Variants in ZNF808 observed in about 807,000 individuals in gnomAD.
ZNF808 encodes zinc finger protein 808.
In ZNF808, 5 loss-of-function variants were observed where a neutral mutation model predicts 8.7. The observed-to-expected ratio is 0.58, with a 90% CI of 0.30 to 1.21. ZNF808 has a LOEUF of 1.21. Ranked by LOEUF, ZNF808 falls within the 50% of genes most tolerant of loss-of-function variation. The probability of loss-of-function intolerance (pLI) is 0.07; values close to 1 mark genes in which losing one functional copy is unlikely to be tolerated. For synonymous variants in ZNF808, 380 were observed against 366.0 expected (o/e 1.04, Z -0.44); for missense variants, 1,103 against 1,098.4 (o/e 1.00, Z -0.06).
At chr19:52,567,391 G>A (rs1433874031), downstream of ZNF808, among the ~76,000 whole-genome samples, 3 of 149,538 alleles carry the variant, frequency 2.0e-5, no homozygotes, top group Admixed American at 2.0e-4. Context: ...TTTTGAGGTC[G>A]CCCTACTGTG....
At position 52,547,511 on chromosome 19, in the gene ZNF808, G is replaced by C; in HGVS notation, c.64-1G>C. Reference sequence around the variant, plus strand: ...TTGTTGAAATGTATGTTTCATTTTAGGGACGCTTGACTTTCAGGGATGTGG... The same window carrying C: ...TTGTTGAAATGTATGTTTCATTTTACGGACGCTTGACTTTCAGGGATGTGG... On this transcript the variant is annotated splice_acceptor_variant, in intron 3 of 4. Transcript: ENST00000359798. LOFTEE classifies it high-confidence loss of function. 6.2e-7 allele frequency: 1 copy of C among 1,613,722 alleles called. No homozygotes were observed. The highest frequency in any genetic ancestry group is 8.5e-7 in the Non-Finnish European group (1 of 1,179,892).
In ZNF808 at chr19:52,554,038, G is replaced by C. The variant is rs750809627; in HGVS notation, c.1122G>C (p.Lys374Asn). ...LHTGVKPYKC[K>N]ICEKAFACHS... ...CTGGAGTGAAACCTTACAAATGTAA[G>C]ATTTGTGAGAAGGCTTTTGCGTGTC... The change falls in exon 5 of 5, where the codon AAG becomes AAC. Residue 374 changes from lysine (K) to asparagine (N), a missense_variant. Transcript: ENST00000359798. 4 of 1,613,918 alleles carry C rather than the reference G, an allele frequency of 2.5e-6. No individual in the cohort carries two copies. The highest frequency in any genetic ancestry group is 1.1e-5 in the South Asian group (1 of 91,074).
chr19:52,540,687 G>A (rs1179352185), intron 2 of ZNF808, among the ~76,000 whole-genome samples: 1 of 152,074 alleles, frequency 6.6e-6, no homozygotes, highest in Non-Finnish European at 1.5e-5. Context: ...TACAGATGTT[G>A]AAGGATGGGC....
chr19:52,554,057 G>A lies in ZNF808; in HGVS notation c.1141G>A (p.Ala381Thr). 6.2e-7 allele frequency: 1 copy of A among 1,614,036 alleles called. No individual in the cohort carries two copies. Among genetic ancestry groups the A allele is most frequent in the Non-Finnish European group, 8.5e-7 (1 of 1,179,992 alleles). The change falls in exon 5 of 5, where the codon GCG becomes ACG. Residue 381 changes from alanine (A) to threonine (T), a missense_variant. By Grantham distance (58) the Ala-to-Thr change is moderately conservative. Transcript: ENST00000359798. ...ATGTAAGATTTGTGAGAAGGCTTTTGCGTGTCATTCCTATCTGGCAAACCA... is the reference window on the plus strand; with the variant it reads ...ATGTAAGATTTGTGAGAAGGCTTTTACGTGTCATTCCTATCTGGCAAACCA... ...YKCKICEKAF[A>T]CHSYLANHTR...
chr19:52,543,182 T>C (rs1475575501), intron 2 of ZNF808, 84 bp from the exon 3 acceptor site: 13 of 1,422,032 alleles, frequency 9.1e-6, no homozygotes, highest in Non-Finnish European at 1.2e-5. Flanking sequence ...TTCTACAGGG[T>C]GACATCTCCC....
At chr19:52,559,425 ATTACC>A (rs1366824706), downstream of ZNF808, among the ~76,000 whole-genome samples, 7 of 151,968 alleles carry the variant, frequency 4.6e-5, no homozygotes, top group African/African-American at 1.7e-4. Flanking sequence ...TCTCTCCACT[ATTACC>A]TTATTGTCCT....
At chr19:52,545,981 G>T (rs2059716208) in intron 3 of ZNF808, among the ~76,000 whole-genome samples, 1 of 152,124 alleles carries the variant, frequency 6.6e-6, no homozygotes. Context: ...CAGACATCTG[G>T]ATTCAGTGCT....
chr19:52,543,962 C>T (rs2059697438), intron 3 of ZNF808, among the ~76,000 whole-genome samples: 1 of 151,816 alleles, frequency 6.6e-6, no homozygotes, highest in Admixed American at 6.6e-5. Flanking sequence ...ACTTAGAGAC[C>T]AGCCTGGCTA....
At chr19:52,548,116 C>A (rs2059741311) in intron 4 of ZNF808, among the ~76,000 whole-genome samples, 1 of 152,150 alleles carries the variant, frequency 6.6e-6, no homozygotes, top group Non-Finnish European at 1.5e-5. Context: ...AACTAATGAT[C>A]ATCTTCTCTA....
At chr19:52,557,407 C>T (rs1290367779), downstream of ZNF808, among the ~76,000 whole-genome samples, 4 of 152,096 alleles carry the variant, frequency 2.6e-5, no homozygotes, top group East Asian at 7.8e-4. Flanking sequence ...GTTGGGATTA[C>T]AGGTGCCCTC....
downstream of ZNF808, among the ~76,000 whole-genome samples, chr19:52,557,514 G>A (rs2061652): frequency 5.2e-3 from 782 of 151,730 alleles, 5 homozygotes; most frequent in African/African-American, 0.018. Flanking sequence ...GCGATCTGCC[G>A]ACCTTGCCCT....
chr19:52,564,492 T>A (rs1568496002), downstream of ZNF808: 1 of 209,822 alleles, frequency 4.8e-6, no homozygotes, highest in Non-Finnish European at 9.5e-6. Flanking sequence ...TTTTTTGAGA[T>A]GGAGACTCCA....
rs1298400415 is a variant in ZNF808 at position 52,555,769 on chromosome 19, A to C, written c.*141A>C. 8.0e-7 allele frequency: 1 copy of C among 1,243,476 alleles called. No individual in the cohort carries two copies. Among genetic ancestry groups the C allele is most frequent in the African/African-American group, 1.5e-5 (1 of 67,104 alleles). 77.0% of individuals were successfully genotyped at this position (1,243,476 alleles called of 1,614,324 possible). Reference sequence around the variant, plus strand: ...GTTCATACATTGCAGTTCATTGGCAACCTCATACTGGAGAGAAACCTTACA... The same window carrying C: ...GTTCATACATTGCAGTTCATTGGCACCCTCATACTGGAGAGAAACCTTACA... On this transcript the variant is annotated 3_prime_UTR_variant, in exon 5 of 5. Transcript: ENST00000359798.
downstream of ZNF808, among the ~76,000 whole-genome samples, chr19:52,556,991 T>A (rs1367692741): frequency 1.3e-5 from 2 of 152,058 alleles, no homozygotes; most frequent in African/African-American, 4.8e-5. Context: ...TGTTTTTTTT[T>A]AAATGGAGTC....
rs1486735748 is a variant in ZNF808 at position 52,554,303 on chromosome 19, G to C, written c.1387G>C (p.Ala463Pro). Residue 463 changes from alanine (A) to proline (P), a missense_variant, in exon 5 of 5, where the codon GCT becomes CCT. Physicochemically the swap from Ala to Pro is conservative, Grantham distance 27. Coordinates refer to ENST00000359798, the MANE Select transcript of ZNF808 (RefSeq NM_001039886.4). Reference protein sequence around the residue: ...KPYKCKVCDTAFTCNSQLARH... With the variant: ...KPYKCKVCDTPFTCNSQLARH... ...ATACAAATGTAAGGTTTGTGATACA[G>C]CTTTCACGTGTAATTCACAGCTGGC... 1 of 1,614,144 alleles carries C rather than the reference G, an allele frequency of 6.2e-7. No homozygotes were observed. The highest frequency in any genetic ancestry group is 8.5e-7 in the Non-Finnish European group (1 of 1,180,022).
intron 2 of ZNF808, 104 bp from the exon 3 acceptor site, chr19:52,543,162 G>A (rs549874764): frequency 8.5e-7 from 1 of 1,182,170 alleles, no homozygotes; most frequent in Non-Finnish European, 1.2e-6. Context: ...GTGGGCAGTG[G>A]GGGACTTCTT....
intron 4 of ZNF808, among the ~76,000 whole-genome samples, chr19:52,548,537 C>T (rs1298248237): frequency 6.6e-6 from 1 of 152,112 alleles, no homozygotes; most frequent in Non-Finnish European, 1.5e-5. Flanking sequence ...ATTCTCCTGC[C>T]TCAGCCTCTT....
chr19:52,553,427 C>A lies in ZNF808; in HGVS notation c.511C>A (p.Gln171Lys). 6.2e-7 allele frequency: 1 copy of A among 1,614,162 alleles called. No homozygotes were observed. Among genetic ancestry groups the A allele is most frequent in the South Asian group, 1.1e-5 (1 of 91,082 alleles). The change falls in exon 5 of 5, where the codon CAG becomes AAG. Residue 171 changes from glutamine (Q) to lysine (K), a missense_variant. Transcript: ENST00000359798. ...YSHLPELHIF[Q>K]IKGEIANQLE... ...ACATCTGCCTGAACTCCACATATTT[C>A]AGATCAAAGGTGAAATTGCTAATCA... is the stretch of plus-strand genomic sequence containing the variant.
At chr19:52,567,625 A>G (rs1205747885), downstream of ZNF808, among the ~76,000 whole-genome samples, 1 of 151,332 alleles carries the variant, frequency 6.6e-6, no homozygotes, top group Non-Finnish European at 1.5e-5. Flanking sequence ...TCTGGGCTCA[A>G]GCGATTCTCC....
Sources: gnomAD v4.1 joint callset for allele counts (sites outside exome capture counted in the v4.1 genomes callset) on GRCh38, gnomAD v4.1.1 for gene constraint, MANE v1.5 for transcripts, NCBI Gene and HGNC (gene_info 2026-07-23, HGNC 2026-07-21) for gene names.